Variants in STAB1 observed in about 807,000 individuals in gnomAD.
STAB1 encodes the protein stabilin-1.
A neutral mutation model predicts 332.4 loss-of-function variants in STAB1; 250 were observed. The ratio of observed to expected loss-of-function variants is 0.75; its 90% CI spans 0.68 to 0.84. STAB1 has a LOEUF of 0.84. Ranked by LOEUF, STAB1 falls within the 40% of genes least tolerant of loss-of-function variation. STAB1 has a pLI of 0.00. For missense variants in STAB1, 3,249 were observed against 3,489.7 expected, an observed-to-expected ratio of 0.93 and a Z score of 1.74; for synonymous variants, 1,475 against 1,390.4, an observed-to-expected ratio of 1.06 and a Z score of -1.35.
At chr3:52,519,826 T>C in intron 50 of STAB1, 118 bp from the exon 51 acceptor site, 3 of 1,329,816 alleles carry the variant, frequency 2.3e-6, no homozygotes, top group Non-Finnish European at 3.0e-6. Flanking sequence ...CCTGGGATGG[T>C]CACAGATGAG....
intron 1 of STAB1, among the ~76,000 whole-genome samples, 196 bp downstream of exon 1, chr3:52,495,687 G>A (rs1707965323): frequency 6.6e-6 from 1 of 152,218 alleles, no homozygotes; most frequent in African/African-American, 2.4e-5. Flanking sequence ...AGCCACCCAG[G>A]GTTCAGGGGT....
At chr3:52,507,838 C>A in intron 19 of STAB1, 93 bp from the exon 20 acceptor site, 2 of 1,468,586 alleles carry the variant, frequency 1.4e-6, no homozygotes, top group Non-Finnish European at 1.9e-6. Flanking sequence ...AGTTCTGGAC[C>A]CAGGGGGCAG....
chr3:52,520,545 G>T lies in STAB1; in HGVS notation c.5645G>T (p.Arg1882Leu), dbSNP rs148330904. The T allele has an allele frequency of 3.1e-6, 5 of 1,611,246 alleles. No homozygotes were observed. In the Admixed American group the frequency reaches 8.3e-5, roughly 27 times the overall value. Residue 1882 changes from arginine to leucine, a missense_variant, in exon 53 of 69, where the codon CGA (arginine) becomes CTA (leucine). Transcript: ENST00000321725. ...GACCACTTTGAGACCCGGCCCCTGC[G>T]ACTGGTGAGGGAGGCCAGAGGCAGA... ...RCDHFETRPL[R>L]LNTCSICGLE...
Position 52,519,317 on chromosome 3 carries a change from C to A in STAB1, c.5088C>A (p.Ala1696=). ...FARVVSSDHE[A]VNGILHFIDR... ...GCGTGGTGAGCAGCGACCATGAGGCCGTGAACGGCATCCTGCACTTCATTG... is the reference window on the plus strand; with the variant it reads ...GCGTGGTGAGCAGCGACCATGAGGCAGTGAACGGCATCCTGCACTTCATTG... The change falls in exon 49 of 69, where the codon GCC becomes GCA. Residue 1696 remains alanine (A), a synonymous_variant. Transcript: ENST00000321725. 1 of 1,613,132 alleles carries A rather than the reference C, an allele frequency of 6.2e-7. No individual in the cohort carries two copies. The highest frequency in any genetic ancestry group is 2.2e-5 in the East Asian group (1 of 44,886).
Position 52,513,373 on chromosome 3 carries a change from G to T in STAB1, c.3270+132G>T. ...GTCCCCTCGCCCTGCCCAGAGCCGG[G>T]CTCAAAGGATGTGCTCAGGACGCAT... On this transcript the variant is annotated intron_variant, in intron 30 of 68. Coordinates refer to ENST00000321725, the MANE Select transcript of STAB1 (RefSeq NM_015136.3). The T allele has an allele frequency of 4.5e-6, 4 of 896,024 alleles. No homozygotes were observed. The South Asian group carries it at 7.0e-5, about 16-fold the overall frequency. The allele number at this position is 896,024 out of a possible 1,614,324, so 55.5% of individuals were successfully genotyped here. A position where few individuals can be genotyped will look rare whatever the true frequency, so the allele number is the denominator to read the frequency against.
chr3:52,504,361 C>T, intron 10 of STAB1, 100 bp from the exon 11 acceptor site: 1 of 1,406,776 alleles, frequency 7.1e-7, no homozygotes, highest in South Asian at 1.2e-5. Flanking sequence ...AGAATACCCC[C>T]ACCCCAACTC....
rs1708850184 is a variant in STAB1 at position 52,506,213 on chromosome 3, T to C, written c.1793T>C (p.Met598Thr). The change falls in exon 17 of 69, where the codon ATG (methionine) becomes ACG (threonine). Residue 598 changes from methionine to threonine, a missense_variant. Transcript: ENST00000321725. ...ATCTCCAAGGGTCGGATCCTCACCA[T>C]GGCGAACCAGGTCCTGGCTGTGAAC... ...KLISKGRILT[M>T]ANQVLAVNIS... 5 of 1,612,898 alleles carry C rather than the reference T, an allele frequency of 3.1e-6. No individual in the cohort carries two copies. Among genetic ancestry groups the C allele is most frequent in the African/African-American group, 2.7e-5 (2 of 74,930 alleles).
At position 52,522,363 on chromosome 3, in the gene STAB1, G is replaced by C. The variant is rs758159754; in HGVS notation, c.6499G>C (p.Val2167Leu). 14 of 1,613,024 alleles carry C rather than the reference G, an allele frequency of 8.7e-6. No homozygotes were observed. The highest frequency in any genetic ancestry group is 1.2e-5 in the Non-Finnish European group (14 of 1,180,026). Residue 2167 changes from valine (V) to leucine (L), a missense_variant, in exon 60 of 69, where the codon GTA becomes CTA. Transcript: ENST00000321725. ...TRRCECHAGY[V>L]GDGLQCLEES... ...GCGCTGTGAGTGCCACGCAGGCTAC[G>C]TAGGCGATGGACTGCAGTGTCTGGA...
chr3:52,514,131 C>A lies in STAB1; in HGVS notation c.3464C>A (p.Pro1155His). 1 of 1,613,376 alleles carries A rather than the reference C, an allele frequency of 6.2e-7. No individual in the cohort carries two copies. The highest frequency in any genetic ancestry group is 1.1e-5 in the South Asian group (1 of 91,082). Residue 1155 changes from proline (P) to histidine (H), a missense_variant, in exon 33 of 69, where the codon CCC becomes CAC. Transcript: ENST00000321725. ...CATCCCTAGCACCATGGGTTGGTGC[C>A]CCAGATTGAGGCTGCCACTGCCTAC... ...RELLQHHGLV[P>H]QIEAATAYTI...
Position 52,514,345 on chromosome 3 carries a change from G to T in STAB1, c.3547-20G>T, listed in dbSNP as rs1262072934. 1.3e-6 allele frequency: 2 copies of T among 1,547,918 alleles called. No individual in the cohort carries two copies. The highest frequency in any genetic ancestry group is 1.9e-4 in the Middle Eastern group (1 of 5,286). ...ACTTGGTTATCCTGCAGTCCCCTGG[G>T]TTCTCTCCTTCTCTTCCAGGACGCA... On this transcript the variant is annotated intron_variant, in intron 33 of 68. Coordinates refer to ENST00000321725, the MANE Select transcript of STAB1 (RefSeq NM_015136.3).
intron 3 of STAB1, 118 bp from the exon 4 acceptor site, chr3:52,501,888 G>T: frequency 7.0e-7 from 1 of 1,429,658 alleles, no homozygotes; most frequent in Non-Finnish European, 9.7e-7. Flanking sequence ...TCCAAGGCTC[G>T]GCCCCCTTGC....
At position 52,504,129 on chromosome 3, in the gene STAB1, A is replaced by T; in HGVS notation, c.1124A>T (p.Gln375Leu). Reference protein sequence around the residue: ...KATQTGRVFLQLRVAVAMMDQ... With the variant: ...KATQTGRVFLLLRVAVAMMDQ... Reference sequence around the variant, plus strand: ...ACGCAGACAGGCCGGGTGTTCCTGCAGCTGAGGGTCGCCGTGGCCATGATG... The same window carrying T: ...ACGCAGACAGGCCGGGTGTTCCTGCTGCTGAGGGTCGCCGTGGCCATGATG... The change falls in exon 10 of 69, where the codon CAG becomes CTG. Residue 375 changes from glutamine (Q) to leucine (L), a missense_variant. Transcript: ENST00000321725. 6.3e-7 allele frequency: 1 copy of T among 1,591,502 alleles called. No homozygotes were observed. The highest frequency in any genetic ancestry group is 1.7e-5 in the Admixed American group (1 of 57,352).
Position 52,502,995 on chromosome 3 carries a change from G to C in STAB1, c.584-4G>C. 6.4e-7 allele frequency: 1 copy of C among 1,566,906 alleles called. No homozygotes were observed. Among genetic ancestry groups the C allele is most frequent in the Non-Finnish European group, 8.6e-7 (1 of 1,157,056 alleles). ...CTCATCAGTGCTCTCTCCACTCTGC[G>C]CAGAGCTGCCCGTCTGCCAGGAGCT... On this transcript the variant is annotated splice_region_variant and splice_polypyrimidine_tract_variant and intron_variant, in intron 6 of 68. Transcript: ENST00000321725.
intron 61 of STAB1, 36 bp downstream of exon 61, chr3:52,522,724 GGGA>G (rs2079116741): frequency 6.2e-7 from 1 of 1,612,856 alleles, no homozygotes; most frequent in African/African-American, 1.3e-5. Context: ...CAAGTGTTGG[GGGA>G]GGCCTTGACT....
chr3:52,501,540 G>C, intron 2 of STAB1, 98 bp from the exon 3 acceptor site: 1 of 1,235,668 alleles, frequency 8.1e-7, no homozygotes, highest in East Asian at 2.5e-5. Flanking sequence ...AGGCAGAGCA[G>C]GGAGGTGGGT....
At chr3:52,501,583 G>A (rs1708445903) in intron 2 of STAB1, 55 bp from the exon 3 acceptor site, 3 of 1,482,224 alleles carry the variant, frequency 2.0e-6, no homozygotes, top group Non-Finnish European at 2.8e-6. Context: ...GGGAGGCTGG[G>A]TGGGGGCTGT....
chr3:52,505,255 T>G, intron 13 of STAB1, 64 bp from the exon 14 acceptor site: 2 of 1,605,452 alleles, frequency 1.2e-6, no homozygotes, highest in Non-Finnish European at 1.7e-6. Context: ...GCGCAGCTTC[T>G]CCCCGCTGGG....
chr3:52,503,225 G>T, intron 7 of STAB1, 116 bp downstream of exon 7: 1 of 1,497,186 alleles, frequency 6.7e-7, no homozygotes, highest in Non-Finnish European at 9.1e-7. Flanking sequence ...CATTCCTAAG[G>T]GGAGCCTATC....
At position 52,503,449 on chromosome 3, in the gene STAB1, G is replaced by C; in HGVS notation, c.800G>C (p.Gly267Ala). The change falls in exon 8 of 69, where the codon GGG (glycine) becomes GCG (alanine). Residue 267 changes from glycine to alanine, a missense_variant. Gly to Ala is a moderately conservative substitution (Grantham distance 60). Transcript: ENST00000321725. ...TGCCCTGAGAACTACCATGGCGATG[G>C]GATGGTGTGTCTGCCCAAGGACCCA... ...CHCPENYHGD[G>A]MVCLPKDPCT... 1 of 1,613,836 alleles carries C rather than the reference G, an allele frequency of 6.2e-7. No individual in the cohort carries two copies. Among genetic ancestry groups the C allele is most frequent in the Non-Finnish European group, 8.5e-7 (1 of 1,180,028 alleles).
Sources: allele counts gnomAD v4.1 joint callset (sites outside exome capture counted in the v4.1 genomes callset), GRCh38; gene constraint gnomAD v4.1.1; transcripts MANE v1.5; gene names NCBI Gene and HGNC (gene_info 2026-07-23, HGNC 2026-07-21).